The following NUDT3 variants were observed in gnomAD, a reference collection of about 807,000 sequenced individuals.
NUDT3 encodes the protein nudix hydrolase 3.
A neutral mutation model predicts 23.6 loss-of-function variants in NUDT3; 9 were observed. The observed-to-expected ratio is 0.38, with a 90% CI of 0.23 to 0.66. NUDT3 has a LOEUF of 0.66. Ranked by LOEUF, NUDT3 falls within the 30% of genes least tolerant of loss-of-function variation. The pLI is 0.52. For synonymous variants in NUDT3, 86 were observed against 82.6 expected (o/e 1.04, Z -0.22); for missense variants, 172 against 218.5 (o/e 0.79, Z 1.34).
At chr6:34,297,728 AAAATATATAT>A (rs1336623068) in intron 2 of NUDT3, among the ~76,000 whole-genome samples, 5 of 52,108 alleles carry the variant, frequency 9.6e-5, no homozygotes, top group Non-Finnish European at 1.4e-4. Flanking sequence ...TAAAAAAAAA[AAAATATATAT>A]ATATATATAT....
intron 1 of NUDT3, among the ~76,000 whole-genome samples, chr6:34,364,690 C>T (rs1764699654): frequency 6.6e-6 from 1 of 152,208 alleles, no homozygotes; most frequent in Non-Finnish European, 1.5e-5. Context: ...TTATGTAACA[C>T]ACCAATAGCA....
chr6:34,295,811 G>A (rs1292667360), intron 2 of NUDT3, 126 bp from the exon 3 acceptor site: 6 of 1,068,218 alleles, frequency 5.6e-6, no homozygotes, highest in African/African-American at 3.2e-5. Context: ...CAGACTCCAC[G>A]ATCTGTGAAG....
intron 1 of NUDT3, among the ~76,000 whole-genome samples, chr6:34,387,114 C>T (rs1243742441): frequency 2.0e-5 from 3 of 152,094 alleles, no homozygotes; most frequent in Non-Finnish European, 1.5e-5. Context: ...TGTCTCAAAA[C>T]AACAACAACA....
At chr6:34,375,216 C>T (rs1410254374) in intron 1 of NUDT3, among the ~76,000 whole-genome samples, 1 of 152,022 alleles carries the variant, frequency 6.6e-6, no homozygotes, top group Non-Finnish European at 1.5e-5. Flanking sequence ...TGACAGTGCT[C>T]GCCTGTAATC....
intron 1 of NUDT3, among the ~76,000 whole-genome samples, chr6:34,365,301 G>GC (rs201723115): frequency 0.11 from 16,256 of 151,552 alleles, 933 homozygotes; most frequent in Non-Finnish European, 0.12. Flanking sequence ...ATGGTGGCAG[G>GC]ACCTGTAGTC....
intron 1 of NUDT3, among the ~76,000 whole-genome samples, chr6:34,363,833 C>G (rs1033337918): frequency 6.6e-6 from 1 of 151,494 alleles, no homozygotes; most frequent in Non-Finnish European, 1.5e-5. Flanking sequence ...AGTGCAGTAG[C>G]GCGATCTCAG....
chr6:34,343,160 T>C lies in NUDT3; in HGVS notation c.100-1188A>G, dbSNP rs115313157. 4.0e-3 allele frequency among the ~76,000 whole-genome samples: 611 copies of C among 152,312 alleles called. 3 individuals are homozygous for C. The highest frequency in any genetic ancestry group is 0.012 in the African/African-American group (511 of 41,558). ...ACAAGTACTATTTTTCAAATATATT[T>C]ATAAGCTCTGCTTTGATTAATACAA... On this transcript the variant is annotated intron_variant, in intron 1 of 4. Transcript: ENST00000607016.
At position 34,293,531 on chromosome 6, in the gene NUDT3, T is replaced by G. The variant is rs1474562890; in HGVS notation, c.260A>C (p.Gln87Pro). Residue 87 changes from glutamine (Q) to proline (P), a missense_variant, in exon 4 of 5, where the codon CAG (glutamine) becomes CCG (proline). Gln to Pro is a moderately conservative substitution (Grantham distance 76). Around this residue, in one of 3 missense-constraint regions of NUDT3, gnomAD observed 59 missense variants for 107.4 expected, o/e 0.55. Coordinates refer to ENST00000607016, the MANE Select transcript of NUDT3 (RefSeq NM_006703.4). ...GACATACGTCCTGTGCTTCCTCTCC[T>G]GGTTCTGAAGGGCAAAGAGAGAAGG... The part of the protein sequence containing the change: ...LGRLVGIFEN[Q>P]ERKHRTYVYV... The G allele has an allele frequency of 6.2e-7, 1 of 1,614,084 alleles. No individual in the cohort carries two copies. The highest frequency in any genetic ancestry group is 8.5e-7 in the Non-Finnish European group (1 of 1,180,012).
At chr6:34,366,238 G>A (rs542310322) in intron 1 of NUDT3, among the ~76,000 whole-genome samples, 1 of 150,112 alleles carries the variant, frequency 6.7e-6, no homozygotes, top group Non-Finnish European at 1.5e-5. Context: ...AGCTGGGCAT[G>A]GTGATGCATG....
At chr6:34,292,581 C>G (rs529384043) in intron 4 of NUDT3, among the ~76,000 whole-genome samples, 3 of 151,542 alleles carry the variant, frequency 2.0e-5, no homozygotes, top group South Asian at 4.2e-4. Flanking sequence ...TAAATTTTAT[C>G]ATTTTTATAT....
At chr6:34,375,242 G>A (rs967053977) in intron 1 of NUDT3, among the ~76,000 whole-genome samples, 1 of 152,186 alleles carries the variant, frequency 6.6e-6, no homozygotes, top group African/African-American at 2.4e-5. Flanking sequence ...TACTCGGGAG[G>A]CTGAGGCAGG....
At chr6:34,344,557 G>A (rs191753888) in intron 1 of NUDT3, among the ~76,000 whole-genome samples, 2 of 152,312 alleles carry the variant, frequency 1.3e-5, no homozygotes, top group African/African-American at 4.8e-5. Context: ...AGGGGAAAAT[G>A]AGCAGCAACT....
chr6:34,361,664 T>C (rs1764652156), intron 1 of NUDT3, among the ~76,000 whole-genome samples: 2 of 152,190 alleles, frequency 1.3e-5, no homozygotes, highest in South Asian at 4.1e-4. Context: ...TAAGGTGTGG[T>C]ACAACCACAT....
chr6:34,387,496 A>G (rs1765125204), intron 1 of NUDT3, among the ~76,000 whole-genome samples: 1 of 152,090 alleles, frequency 6.6e-6, no homozygotes, highest in Non-Finnish European at 1.5e-5. Context: ...ACAAACAAAT[A>G]CTAAATAATA....
chr6:34,305,017 C>A (rs1763659129), intron 2 of NUDT3, among the ~76,000 whole-genome samples: 1 of 116,604 alleles, frequency 8.6e-6, no homozygotes, highest in Non-Finnish European at 1.7e-5. Context: ...GAGTCTTGCT[C>A]TGTCACCCAG....
intron 2 of NUDT3, among the ~76,000 whole-genome samples, chr6:34,313,658 C>T (rs80198093): frequency 0.016 from 2,415 of 151,130 alleles, 64 homozygotes; most frequent in African/African-American, 0.056. Context: ...GAATCTAAAA[C>T]GGCTTAAAAA....
At chr6:34,324,326 G>A (rs1162574048) in intron 2 of NUDT3, among the ~76,000 whole-genome samples, 1 of 151,212 alleles carries the variant, frequency 6.6e-6, no homozygotes, top group Non-Finnish European at 1.5e-5. Flanking sequence ...CTGCACTCCA[G>A]CATGGGCGAC....
Position 34,341,988 on chromosome 6 carries a change from G to C in NUDT3, c.100-16C>G. On this transcript the variant is annotated splice_polypyrimidine_tract_variant and intron_variant, in intron 1 of 4. Coordinates refer to ENST00000607016, the MANE Select transcript of NUDT3 (RefSeq NM_006703.4). ...CGAGTAGCACCTGTTAAGTCACAAA[G>C]GTTGCATGGGGGGGTTAAAAATTCA... The C allele has an allele frequency of 6.2e-7, 1 of 1,605,988 alleles. No individual in the cohort carries two copies. The highest frequency in any genetic ancestry group is 8.5e-7 in the Non-Finnish European group (1 of 1,175,574).
Position 34,310,436 on chromosome 6 carries a change from G to T in NUDT3, c.211-14751C>A, listed in dbSNP as rs145798096. 2.9e-3 allele frequency among the ~76,000 whole-genome samples: 446 copies of T among 152,076 alleles called. 2 individuals carry two copies. Among genetic ancestry groups the T allele is most frequent in the Admixed American group, 5.2e-3 (80 of 15,276 alleles). On this transcript the variant is annotated intron_variant, in intron 2 of 4. Coordinates refer to ENST00000607016, the MANE Select transcript of NUDT3 (RefSeq NM_006703.4). ...TTCCAGTTACTCTGGAGGCTGAGGC[G>T]GGAGAATCACTTGAACTGGGAAGCG...
Sources: allele counts gnomAD v4.1 joint callset (sites outside exome capture counted in the v4.1 genomes callset), GRCh38; gene constraint gnomAD v4.1.1; regional missense constraint gnomAD v4.1.1; transcripts MANE v1.5; gene names NCBI Gene and HGNC (gene_info 2026-07-23, HGNC 2026-07-21).